The following CDKL1 variants were observed in gnomAD, a reference collection of about 807,000 sequenced individuals.
CDKL1 encodes the protein cyclin-dependent kinase-like 1.
A neutral mutation model predicts 42.0 loss-of-function variants in CDKL1; 41 were observed. The observed-to-expected ratio is 0.98, with a 90% CI of 0.76 to 1.27. The LOEUF (loss-of-function observed/expected upper bound fraction) is 1.27. CDKL1 is among the 50% of genes most tolerant of loss of function. CDKL1 has a pLI of 0.00. For synonymous variants in CDKL1, 153 were observed against 158.6 expected (o/e 0.96, Z 0.26); for missense variants, 394 against 428.4 (o/e 0.92, Z 0.71).
intron 2 of CDKL1, among the ~76,000 whole-genome samples, chr14:50,376,089 C>G (rs1459574675): frequency 6.6e-6 from 1 of 152,032 alleles, no homozygotes; most frequent in African/African-American, 2.4e-5. Context: ...GATTCTGGAA[C>G]AGAAACAGGA....
chr14:50,394,270 G>A (rs1390582933), intron 2 of CDKL1, among the ~76,000 whole-genome samples: 3 of 152,226 alleles, frequency 2.0e-5, no homozygotes, highest in Non-Finnish European at 2.9e-5. Flanking sequence ...AGAGGGTAAG[G>A]GTAGGGTGAC....
chr14:50,358,314 T>A (rs2034121485), intron 3 of CDKL1, among the ~76,000 whole-genome samples: 1 of 152,166 alleles, frequency 6.6e-6, no homozygotes, highest in Non-Finnish European at 1.5e-5. Flanking sequence ...CCCGGATTGC[T>A]TCCAGTGAAA....
At chr14:50,351,536 C>A (rs1178557068) in intron 3 of CDKL1, among the ~76,000 whole-genome samples, 3 of 151,874 alleles carry the variant, frequency 2.0e-5, no homozygotes, top group African/African-American at 7.3e-5. Context: ...AAGTTTGAGA[C>A]CAGCCTGGGC....
At chr14:50,378,651 A>C (rs2034806739) in intron 2 of CDKL1, among the ~76,000 whole-genome samples, 1 of 151,976 alleles carries the variant, frequency 6.6e-6, no homozygotes, top group Non-Finnish European at 1.5e-5. Flanking sequence ...CTCCTGCCTC[A>C]GCCTCCCCAG....
chr14:50,383,267 C>T lies in CDKL1; in HGVS notation c.168+12434G>A, dbSNP rs116374729. Among the ~76,000 whole-genome samples the T allele has an allele frequency of 4.7e-3, 718 of 151,500 alleles. 12 individuals carry two copies. The highest frequency in any genetic ancestry group is 0.017 in the African/African-American group (686 of 41,366). ...AATAACGATATGTAATACACACTGT[C>T]GGCTGGGCGTGGTGGCTCATGCCTA... On this transcript the variant is annotated intron_variant, in intron 2 of 9. Coordinates refer to ENST00000395834, the MANE Select transcript of CDKL1 (RefSeq NM_004196.7).
chr14:50,373,277 T>C (rs1238208537), intron 2 of CDKL1, among the ~76,000 whole-genome samples: 2 of 152,148 alleles, frequency 1.3e-5, no homozygotes, highest in Non-Finnish European at 2.9e-5. Flanking sequence ...TATGTATTGT[T>C]AAGAAAAAGA....
intron 2 of CDKL1, among the ~76,000 whole-genome samples, chr14:50,382,234 C>T (rs2034929696): frequency 6.6e-6 from 1 of 152,104 alleles, no homozygotes; most frequent in Non-Finnish European, 1.5e-5. Context: ...AGGCGGATCA[C>T]GAGGTCACGA....
intron 3 of CDKL1, among the ~76,000 whole-genome samples, chr14:50,347,584 G>A (rs1396026030): frequency 2.0e-5 from 3 of 152,170 alleles, no homozygotes; most frequent in African/African-American, 7.2e-5. Context: ...TGAGTAACTG[G>A]TACACAGTGG....
At chr14:50,345,172 CAT>C in intron 3 of CDKL1, 114 bp from the exon 4 acceptor site, 2 of 824,536 alleles carry the variant, frequency 2.4e-6, no homozygotes, top group Middle Eastern at 2.3e-4. Context: ...TTAGGTGACA[CAT>C]AGTCATCTTA....
At chr14:50,354,115 C>T (rs923170574) in intron 3 of CDKL1, among the ~76,000 whole-genome samples, 12 of 151,886 alleles carry the variant, frequency 7.9e-5, no homozygotes, top group South Asian at 4.2e-4. Context: ...CCACAATGCC[C>T]GGCTAATTTT....
At chr14:50,340,970 G>A (rs943536972) in intron 6 of CDKL1, 62 bp downstream of exon 6, 53 of 1,575,156 alleles carry the variant, frequency 3.4e-5, no homozygotes, top group Non-Finnish European at 6.9e-6. Context: ...ACTTGGCTCT[G>A]CCCTGCCCCA....
intron 7 of CDKL1, chr14:50,335,674 C>T: frequency 1.3e-6 from 2 of 1,493,140 alleles, no homozygotes; most frequent in African/African-American, 2.8e-5. Context: ...GCCAGCCAAG[C>T]TGAGCAAAAT....
chr14:50,392,587 G>T (rs2035291417), intron 2 of CDKL1, among the ~76,000 whole-genome samples: 1 of 151,848 alleles, frequency 6.6e-6, no homozygotes, highest in East Asian at 1.9e-4. Context: ...CCCAAAGGCT[G>T]GGTACACCAA....
intron 3 of CDKL1, among the ~76,000 whole-genome samples, chr14:50,346,733 C>T (rs2033741031): frequency 7.1e-6 from 1 of 141,730 alleles, no homozygotes; most frequent in Non-Finnish European, 1.5e-5. Context: ...TCACTGCAAA[C>T]TCTGCCTCCC....
At chr14:50,390,711 G>A (rs564918461) in intron 2 of CDKL1, among the ~76,000 whole-genome samples, 4 of 152,270 alleles carry the variant, frequency 2.6e-5, no homozygotes, top group South Asian at 4.1e-4. Flanking sequence ...GCCCCTTGCC[G>A]GACACACAGA....
chr14:50,352,197 G>T (rs371053566), intron 3 of CDKL1, among the ~76,000 whole-genome samples: 28 of 152,284 alleles, frequency 1.8e-4, no homozygotes, highest in African/African-American at 6.7e-4. Flanking sequence ...CTCATAAAAT[G>T]ATTTGGGAAA....
intron 2 of CDKL1, chr14:50,362,417 A>G (rs1320613769): frequency 2.1e-5 from 5 of 235,506 alleles, no homozygotes; most frequent in Non-Finnish European, 2.6e-5. Flanking sequence ...AAATACACCA[A>G]TCGGCACTCT....
At chr14:50,353,121 C>T (rs553525785) in intron 3 of CDKL1, among the ~76,000 whole-genome samples, 17 of 152,316 alleles carry the variant, frequency 1.1e-4, no homozygotes, top group African/African-American at 3.6e-4. Context: ...TACATACCTC[C>T]GCCCTGATGC....
chr14:50,342,353 A>T, intron 4 of CDKL1, 131 bp from the exon 5 acceptor site: 1 of 1,460,766 alleles, frequency 6.8e-7, no homozygotes. Flanking sequence ...ACAACAGCAA[A>T]AGAGCAGCCT....
Sources: allele counts gnomAD v4.1 joint callset (sites outside exome capture counted in the v4.1 genomes callset), GRCh38; gene constraint gnomAD v4.1.1; transcripts MANE v1.5; gene names NCBI Gene and HGNC (gene_info 2026-07-23, HGNC 2026-07-21).